Variants in SETD2 observed in about 807,000 individuals in gnomAD.
SETD2 encodes the protein SET domain containing 2, histone lysine methyltransferase.
In SETD2, 31 loss-of-function variants were observed where a neutral mutation model predicts 242.1. That is an observed-to-expected ratio of 0.13 (90% CI 0.10 to 0.17). SETD2 has a LOEUF of 0.17. Among genes scored for constraint, SETD2 ranks in the 10% least tolerant of loss-of-function variants. The pLI is 1.00. For missense variants in SETD2, 2,481 were observed against 3,046.3 expected (o/e 0.81, Z 4.37); for synonymous variants, 1,006 against 1,066.5 (o/e 0.94, Z 1.11).
chr3:47,072,792 A>G (rs2040881311), intron 12 of SETD2, among the ~76,000 whole-genome samples: 1 of 151,504 alleles, frequency 6.6e-6, no homozygotes, highest in African/African-American at 2.4e-5. Context: ...AAAAAAATAC[A>G]AGAAATTAGC....
At chr3:47,072,135 C>T (rs1433835120) in intron 12 of SETD2, among the ~76,000 whole-genome samples, 1 of 151,384 alleles carries the variant, frequency 6.6e-6, no homozygotes, top group Non-Finnish European at 1.5e-5. Context: ...GGTGAAACCC[C>T]GTCTCTACCA....
Position 47,058,440 on chromosome 3 carries a change from C to CAAAAAAAAAAA in SETD2, c.6294-961_6294-951dup, listed in dbSNP as rs1174283471. On this transcript the variant is annotated intron_variant, in intron 14 of 20. Coordinates refer to ENST00000409792, the MANE Select transcript of SETD2 (RefSeq NM_014159.7). ...TGGGCAACAGGGCAAGACACCGTCT[C>CAAAAAAAAAAA]AAAAAAAAAAAAAAAAAAAAAAAAC... Among the ~76,000 whole-genome samples, 17 of 21,976 alleles carry CAAAAAAAAAAA rather than the reference C, an allele frequency of 7.7e-4. 1 individual carries two copies. The highest frequency in any genetic ancestry group is 3.5e-3 in the African/African-American group (14 of 4,026). 14.4% of individuals were successfully genotyped at this position (21,976 alleles called of 152,430 possible).
At chr3:47,023,770 C>T (rs1183408178) in intron 18 of SETD2, among the ~76,000 whole-genome samples, 2 of 152,146 alleles carry the variant, frequency 1.3e-5, no homozygotes, top group East Asian at 3.8e-4. Flanking sequence ...TTATACGCAA[C>T]ACAGAGGTGA....
At chr3:47,022,244 G>A (rs531541009) in intron 18 of SETD2, among the ~76,000 whole-genome samples, 4 of 139,814 alleles carry the variant, frequency 2.9e-5, no homozygotes, top group Admixed American at 1.5e-4. Context: ...AATTTAGCAC[G>A]TGGGGTTCAG....
At chr3:47,019,944 G>A in intron 18 of SETD2, 104 bp from the exon 19 acceptor site, 1 of 946,426 alleles carries the variant, frequency 1.1e-6, no homozygotes, top group Non-Finnish European at 1.7e-6. Flanking sequence ...AGGGATACCT[G>A]ATTCTTGGTA....
intron 5 of SETD2, among the ~76,000 whole-genome samples, chr3:47,109,025 G>A (rs1244222928): frequency 6.6e-6 from 1 of 152,156 alleles, no homozygotes; most frequent in East Asian, 1.9e-4. Context: ...CCTGAAATTT[G>A]CTCCTGGCTG....
At chr3:47,021,008 G>C (rs2038193975) in intron 18 of SETD2, among the ~76,000 whole-genome samples, 1 of 151,930 alleles carries the variant, frequency 6.6e-6, no homozygotes, top group African/African-American at 2.4e-5. Context: ...GAGATTAGGG[G>C]GTAGAGTAAA....
In SETD2 at chr3:47,016,846, G is replaced by C; in HGVS notation, c.*247C>G. 1 of 482,752 alleles carries C rather than the reference G, an allele frequency of 2.1e-6. No individual in the cohort carries two copies. The highest frequency in any genetic ancestry group is 3.1e-5 in the East Asian group (1 of 31,872). The allele number at this position is 482,752 out of a possible 1,614,324, so 29.9% of individuals were successfully genotyped here. A position where few individuals can be genotyped will look rare whatever the true frequency, so the allele number is the denominator to read the frequency against. On this transcript the variant is annotated 3_prime_UTR_variant, in exon 21 of 21. Coordinates refer to ENST00000409792, the MANE Select transcript of SETD2 (RefSeq NM_014159.7). ...AAGAGTGGAGTCAGGTCTGGCCAGG[G>C]TCTTTTCTAAGCCCTTGCACCTCTG...
At chr3:47,103,224 A>G in intron 7 of SETD2, 122 bp downstream of exon 7, 1 of 646,160 alleles carries the variant, frequency 1.5e-6, no homozygotes, top group Non-Finnish European at 2.8e-6. Flanking sequence ...CTTAAATAAT[A>G]AAGTAGAATA....
Position 47,123,497 on chromosome 3 carries a change from T to C in SETD2, c.1139A>G (p.Tyr380Cys), listed in dbSNP as rs1193056929. Residue 380 changes from tyrosine to cysteine, a missense_variant, in exon 3 of 21, where the codon TAT (tyrosine) becomes TGT (cysteine). By Grantham distance (194) the Tyr-to-Cys change is radical. Around this residue, in one of 17 missense-constraint regions of SETD2, gnomAD observed 1,300 missense variants for 1,259.2 expected, o/e 1.03. Transcript: ENST00000409792. ...CCGAGTATCTCTTTCAAGTTTTGAA[T>C]AGCTAAAATATTTATCATCTCTGTC... is the stretch of plus-strand genomic sequence containing the variant. Reference protein sequence around the residue: ...KTDRDDKYFSYSKLERDTRYV... With the variant: ...KTDRDDKYFSCSKLERDTRYV... 3 of 1,551,180 alleles carry C rather than the reference T, an allele frequency of 1.9e-6. No homozygotes were observed. The highest frequency in any genetic ancestry group is 2.4e-5 in the East Asian group (1 of 40,922).
rs2106640067 is a variant in SETD2 at position 47,121,109 on chromosome 3, A to C, written c.3527T>G (p.Val1176Gly). Residue 1176 changes from valine to glycine, a missense_variant, in exon 3 of 21, where the codon GTG (valine) becomes GGG (glycine). Around this residue, in one of 17 missense-constraint regions of SETD2, gnomAD observed 1,300 missense variants for 1,259.2 expected, o/e 1.03. Coordinates refer to ENST00000409792, the MANE Select transcript of SETD2 (RefSeq NM_014159.7). ...TGGGTGACCCAGAGGGTCAGATTTC[A>C]CATCTGTATGACTTGTACTATCAAC... The part of the protein sequence containing the change: ...DGVDSTSHTD[V>G]KSDPLGHPNS... 6.2e-7 allele frequency: 1 copy of C among 1,614,060 alleles called. No homozygotes were observed. Among genetic ancestry groups the C allele is most frequent in the South Asian group, 1.1e-5 (1 of 91,072 alleles).
chr3:47,043,483 G>A (rs2039375745), intron 16 of SETD2, among the ~76,000 whole-genome samples: 1 of 152,198 alleles, frequency 6.6e-6, no homozygotes, highest in Non-Finnish European at 1.5e-5. Context: ...CTCAAGAACT[G>A]TGAGAAAATT....
At chr3:47,063,728 T>C (rs1396353804) in intron 13 of SETD2, among the ~76,000 whole-genome samples, 1 of 152,188 alleles carries the variant, frequency 6.6e-6, no homozygotes, top group Non-Finnish European at 1.5e-5. Context: ...CTCACGCTTG[T>C]AATCCCAGCA....
Position 47,062,151 on chromosome 3 carries a change from C to T in SETD2, c.6293+12G>A, listed in dbSNP as rs2107588337. The T allele has an allele frequency of 6.2e-7, 1 of 1,603,396 alleles. No homozygotes were observed. Among genetic ancestry groups the T allele is most frequent in the Non-Finnish European group, 8.5e-7 (1 of 1,177,014 alleles). ...AAAAACAAAAACAAAAAAACTCACACAGGCCACTTACCTGTCATCTGGCCT... is the reference window on the plus strand; with the variant it reads ...AAAAACAAAAACAAAAAAACTCACATAGGCCACTTACCTGTCATCTGGCCT... On this transcript the variant is annotated intron_variant, in intron 14 of 20. Transcript: ENST00000409792.
chr3:47,058,059 C>A lies in SETD2; in HGVS notation c.6294-569G>T, dbSNP rs568506394. On this transcript the variant is annotated intron_variant, in intron 14 of 20. Transcript: ENST00000409792. ...TTAAAAGCAGACCAAGAGAAAAGCC[C>A]GATTAAAGAAGGATGAAAATTAGAC... Among the ~76,000 whole-genome samples, 8 of 151,888 alleles carry A rather than the reference C, an allele frequency of 5.3e-5. No individual in the cohort carries two copies. The South Asian group carries it at 1.7e-3, about 32-fold the overall frequency.
chr3:47,123,214 T>C lies in SETD2; in HGVS notation c.1422A>G (p.Ser474=). ...GGTCTCTGTAAGAAGAGGAATGAGATGAGGTACGCCTTGAGTATGTCTTCT... is the reference window on the plus strand; with the variant it reads ...GGTCTCTGTAAGAAGAGGAATGAGACGAGGTACGCCTTGAGTATGTCTTCT... ...EYKKTYSRRT[S]SHSSSYRDLR... Residue 474 remains serine, a synonymous_variant, in exon 3 of 21, where the codon TCA becomes TCG. Coordinates refer to ENST00000409792, the MANE Select transcript of SETD2 (RefSeq NM_014159.7). The C allele has an allele frequency of 6.4e-7, 1 of 1,572,752 alleles. No individual in the cohort carries two copies. Among genetic ancestry groups the C allele is most frequent in the South Asian group, 1.1e-5 (1 of 87,442 alleles).
At chr3:47,021,886 C>T (rs552598503) in intron 18 of SETD2, among the ~76,000 whole-genome samples, 2 of 152,230 alleles carry the variant, frequency 1.3e-5, no homozygotes, top group Admixed American at 6.5e-5. Context: ...TGGTGGCTCA[C>T]GCCTGTAATC....
At chr3:47,145,390 GTTTTGT>G (rs2043828276) in intron 1 of SETD2, 2 of 254,452 alleles carry the variant, frequency 7.9e-6, no homozygotes, top group Non-Finnish European at 1.7e-5. Context: ...GTATGCCTGT[GTTTTGT>G]TTTTGTTTTT....
intron 1 of SETD2, among the ~76,000 whole-genome samples, chr3:47,157,913 T>C: frequency 6.6e-6 from 1 of 150,896 alleles, no homozygotes; most frequent in East Asian, 1.9e-4. Context: ...AAACTAACAC[T>C]GTCCTAATTC....
Sources: gnomAD v4.1 joint callset for allele counts (sites outside exome capture counted in the v4.1 genomes callset) on GRCh38, gnomAD v4.1.1 for gene constraint, gnomAD v4.1.1 regional missense constraint, MANE v1.5 for transcripts, NCBI Gene and HGNC (gene_info 2026-07-23, HGNC 2026-07-21) for gene names.